LNX2: variants seen among roughly 807,000 people sequenced by gnomAD.
LNX2 encodes ligand of Numb protein X 2.
In LNX2, 35 loss-of-function variants were observed where a neutral mutation model predicts 66.2. The ratio of observed to expected loss-of-function variants is 0.53; its 90% CI spans 0.40 to 0.70. LNX2 has a LOEUF of 0.70. Ranked by LOEUF, LNX2 falls within the 30% of genes least tolerant of loss-of-function variation. The probability of loss-of-function intolerance (pLI) is 0.00; values close to 1 mark genes in which losing one functional copy is unlikely to be tolerated. For missense variants in LNX2, 791 were observed against 850.8 expected, an observed-to-expected ratio of 0.93 and a Z score of 0.87; for synonymous variants, 337 against 315.6, an observed-to-expected ratio of 1.07 and a Z score of -0.72.
chr13:27,559,984 G>C lies in LNX2; in HGVS notation c.1226C>G (p.Ala409Gly), dbSNP rs115455566. 6.1e-5 allele frequency: 97 copies of C among 1,594,880 alleles called. No homozygotes were observed. The African/African-American group carries it at 1.2e-3, about 20-fold the overall frequency. Residue 409 changes from alanine (A) to glycine (G), a missense_variant and splice_region_variant, in exon 6 of 10, where the codon GCC (alanine) becomes GGC (glycine). By Grantham distance (60) the Ala-to-Gly change is moderately conservative (BLOSUM62 0). Coordinates refer to ENST00000316334, the MANE Select transcript of LNX2 (RefSeq NM_153371.4). ...TPELAAQIIQ[A>G]SGERVNLTIA... ...TGTTAAATTCACTCTCTCTCCACTGGCCTGGAGAAAACACAAATACATTAC... is the reference window on the plus strand; with the variant it reads ...TGTTAAATTCACTCTCTCTCCACTGCCCTGGAGAAAACACAAATACATTAC...
At chr13:27,599,001 A>G (rs1411973832) in intron 1 of LNX2, among the ~76,000 whole-genome samples, 3 of 152,240 alleles carry the variant, frequency 2.0e-5, no homozygotes, top group African/African-American at 7.2e-5. Flanking sequence ...ACAATTCTGT[A>G]TTTTCACTTT....
chr13:27,550,592 G>GA, intron 8 of LNX2, 101 bp from the exon 9 acceptor site: 1 of 795,922 alleles, frequency 1.3e-6, no homozygotes, highest in Non-Finnish European at 2.0e-6. Context: ...ACCACTCTTG[G>GA]AAAAAAGAAA....
Position 27,546,596 on chromosome 13 carries a change from A to C in LNX2, c.*1739T>G, listed in dbSNP as rs1445160595. 1 of 152,222 alleles carries C rather than the reference A, an allele frequency of 6.6e-6. No individual in the cohort carries two copies. Among genetic ancestry groups the C allele is most frequent in the Non-Finnish European group, 1.5e-5 (1 of 68,038 alleles). 9.4% of individuals were successfully genotyped at this position (152,222 alleles called of 1,614,324 possible). A position where few individuals can be genotyped will look rare whatever the true frequency, so the allele number is the denominator to read the frequency against. ...TTAAAAATCATTATAAAACTAACTG[A>C]AATAATCAGTGACATGCTACAGATA... On this transcript the variant is annotated 3_prime_UTR_variant, in exon 10 of 10. Transcript: ENST00000316334.
intron 1 of LNX2, among the ~76,000 whole-genome samples, chr13:27,613,236 T>C (rs567765962): frequency 6.6e-6 from 1 of 151,822 alleles, no homozygotes; most frequent in African/African-American, 2.4e-5. Context: ...CCAAACTGGA[T>C]AGAGACGCTC....
chr13:27,555,840 A>G (rs1455843207), intron 7 of LNX2, among the ~76,000 whole-genome samples: 2 of 152,248 alleles, frequency 1.3e-5, no homozygotes, highest in Non-Finnish European at 2.9e-5. Context: ...AAATGCATTT[A>G]TCCCTAAAAT....
chr13:27,581,407 A>G lies in LNX2; in HGVS notation c.297T>C (p.Ser99=), dbSNP rs1566123803. 2 of 1,606,390 alleles carry G rather than the reference A, an allele frequency of 1.2e-6. No homozygotes were observed. Among genetic ancestry groups the G allele is most frequent in the Non-Finnish European group, 1.7e-6 (2 of 1,174,466 alleles). ...CTAGGAGTTTATGAACTAGAATACTAGACTTCTTGCACAACTTAAAATGAA... is the reference window on the plus strand; with the variant it reads ...CTAGGAGTTTATGAACTAGAATACTGGACTTCTTGCACAACTTAAAATGAA... ...KRLHFKLCKK[S]SILVHKLLDK... is the part of the protein sequence containing the mutation. The change falls in exon 2 of 10, where the codon TCT becomes TCC. Residue 99 remains serine, a synonymous_variant. Coordinates refer to ENST00000316334, the MANE Select transcript of LNX2 (RefSeq NM_153371.4).
chr13:27,574,010 A>G (rs1955316075), intron 2 of LNX2, among the ~76,000 whole-genome samples: 1 of 152,134 alleles, frequency 6.6e-6, no homozygotes, highest in South Asian at 2.1e-4. Context: ...TACATCAGCT[A>G]TTTTAGATAT....
At chr13:27,612,732 GGGGT>G (rs1488049141) in intron 1 of LNX2, among the ~76,000 whole-genome samples, 2 of 152,080 alleles carry the variant, frequency 1.3e-5, no homozygotes, top group Admixed American at 1.3e-4. Flanking sequence ...CCCAGTAGCT[GGGGT>G]CACAGGCATA....
intron 4 of LNX2, among the ~76,000 whole-genome samples, chr13:27,563,811 T>C (rs1955171520): frequency 6.6e-6 from 1 of 152,240 alleles, no homozygotes. Context: ...AATACTATTT[T>C]GAATTTTGTT....
At chr13:27,592,673 G>T (rs562709970) in intron 1 of LNX2, among the ~76,000 whole-genome samples, 46 of 151,038 alleles carry the variant, frequency 3.0e-4, no homozygotes, top group African/African-American at 1.1e-3. Context: ...CAAAGAGAAG[G>T]GCTGATTCAG....
chr13:27,598,943 C>T (rs1955627454), intron 1 of LNX2, among the ~76,000 whole-genome samples: 1 of 152,068 alleles, frequency 6.6e-6, no homozygotes, highest in Non-Finnish European at 1.5e-5. Context: ...TATATGGGGG[C>T]CAAAATGCTG....
intron 1 of LNX2, among the ~76,000 whole-genome samples, chr13:27,606,786 G>A (rs1955721881): frequency 6.6e-6 from 1 of 152,142 alleles, no homozygotes; most frequent in South Asian, 2.1e-4. Flanking sequence ...CATGTGTATG[G>A]AAGTATATTT....
chr13:27,592,802 T>C (rs73446890), intron 1 of LNX2, among the ~76,000 whole-genome samples: 1,969 of 152,192 alleles, frequency 0.013, 42 homozygotes, highest in African/African-American at 0.045. Flanking sequence ...AGAAAAGTGT[T>C]CCGAGGAAGA....
intron 4 of LNX2, among the ~76,000 whole-genome samples, chr13:27,563,846 A>G (rs1955171849): frequency 6.6e-6 from 1 of 152,202 alleles, no homozygotes; most frequent in Non-Finnish European, 1.5e-5. Flanking sequence ...AACACCTTTC[A>G]GAATTCAGTC....
intron 1 of LNX2, among the ~76,000 whole-genome samples, chr13:27,611,960 T>C (rs1238961034): frequency 8.5e-5 from 13 of 152,048 alleles, no homozygotes; most frequent in Admixed American, 7.9e-4. Flanking sequence ...GAGAAAGAGA[T>C]TAAACATAGA....
At chr13:27,602,298 A>G (rs1955666211) in intron 1 of LNX2, among the ~76,000 whole-genome samples, 2 of 152,280 alleles carry the variant, frequency 1.3e-5, no homozygotes, top group African/African-American at 2.4e-5. Context: ...GCATACAACT[A>G]TGGAACGCAA....
intron 1 of LNX2, among the ~76,000 whole-genome samples, chr13:27,600,591 C>A: frequency 6.6e-6 from 1 of 152,066 alleles, no homozygotes; most frequent in Non-Finnish European, 1.5e-5. Flanking sequence ...TGATGGAAAA[C>A]CTGACTGAAA....
Position 27,567,788 on chromosome 13 carries a change from A to AT in LNX2, c.706dup (p.Ile236AsnfsTer24). The AT allele has an allele frequency of 6.2e-7, 1 of 1,614,072 alleles. No individual in the cohort carries two copies. The highest frequency in any genetic ancestry group is 8.5e-7 in the Non-Finnish European group (1 of 1,179,966). On this transcript the variant is annotated frameshift_variant, in exon 4 of 10. Coordinates refer to ENST00000316334, the MANE Select transcript of LNX2 (RefSeq NM_153371.4). LOFTEE classifies it high-confidence loss of function. ...CTGAATGTAAGGATTGGACCGATGAATTTCAATCGTGGTGATTTCTCCTTC... is the reference window on the plus strand; with the variant it reads ...CTGAATGTAAGGATTGGACCGATGAATTTTCAATCGTGGTGATTTCTCCTTC...
chr13:27,556,163 ATTCT>A lies in LNX2; in HGVS notation c.1546+69_1546+72del, dbSNP rs144995365. ...CATGTTTAATAGATACTTTGTAGATATTCTTTATTTTTTTAAATGTGCATTTAAT... is the reference window on the plus strand; with the variant it reads ...CATGTTTAATAGATACTTTGTAGATATTATTTTTTTAAATGTGCATTTAAT... On this transcript the variant is annotated intron_variant, in intron 7 of 9. Coordinates refer to ENST00000316334, the MANE Select transcript of LNX2 (RefSeq NM_153371.4). The A allele has an allele frequency of 3.6e-3, 5,101 of 1,397,924 alleles. 161 individuals carry two copies. In the African/African-American group the frequency reaches 0.065, roughly 18 times the overall value. 86.6% of individuals were successfully genotyped at this position (1,397,924 alleles called of 1,614,324 possible).
Sources: gnomAD v4.1 joint callset for allele counts (sites outside exome capture counted in the v4.1 genomes callset) on GRCh38, gnomAD v4.1.1 for gene constraint, MANE v1.5 for transcripts, NCBI Gene and HGNC (gene_info 2026-07-23, HGNC 2026-07-21) for gene names.